Variants in RAD51B observed in about 807,000 individuals in gnomAD.
RAD51B encodes the protein DNA repair protein RAD51 homolog 2.
In RAD51B, 38 loss-of-function variants were observed where a neutral mutation model predicts 42.2. That is an observed-to-expected ratio of 0.90 (90% CI 0.70 to 1.18). The LOEUF (loss-of-function observed/expected upper bound fraction) is 1.18. RAD51B is among the 50% of genes most tolerant of loss of function. RAD51B has a pLI of 0.00. For synonymous variants in RAD51B, 154 were observed against 145.2 expected (o/e 1.06, Z -0.43); for missense variants, 373 against 400.7 (o/e 0.93, Z 0.59).
intron 10 of RAD51B, among the ~76,000 whole-genome samples, chr14:68,579,790 C>T (rs1440601079): frequency 6.6e-6 from 1 of 152,220 alleles, no homozygotes; most frequent in African/African-American, 2.4e-5. Flanking sequence ...CTGGCTGCCC[C>T]ACTGTCAGAG....
chr14:68,057,821 TTGTGTGTGTGTG>T (rs140213534), intron 7 of RAD51B, among the ~76,000 whole-genome samples: 3 of 138,594 alleles, frequency 2.2e-5, no homozygotes, highest in East Asian at 2.1e-4. Context: ...TTTTAGTTCT[TTGTGTGTGTGTG>T]TGTGTGTGTG....
At chr14:68,202,726 G>T (rs1478551983) in intron 7 of RAD51B, among the ~76,000 whole-genome samples, 2 of 151,796 alleles carry the variant, frequency 1.3e-5, no homozygotes, top group Non-Finnish European at 2.9e-5. Flanking sequence ...GGGATTACAG[G>T]TGTGTGCCTC....
At chr14:67,974,893 A>G (rs149499163) in intron 7 of RAD51B, among the ~76,000 whole-genome samples, 122 of 152,266 alleles carry the variant, frequency 8.0e-4, no homozygotes, top group Non-Finnish European at 1.3e-3. Context: ...TCATCATCCT[A>G]TATTCCTCTT....
intron 7 of RAD51B, among the ~76,000 whole-genome samples, chr14:68,041,824 T>C (rs1759410644): frequency 6.6e-6 from 1 of 152,352 alleles, no homozygotes; most frequent in South Asian, 2.1e-4. Flanking sequence ...TTTACTAAGA[T>C]GTGCCTATCT....
chr14:68,245,321 A>G (rs867125845), intron 7 of RAD51B, among the ~76,000 whole-genome samples: 6 of 152,306 alleles, frequency 3.9e-5, no homozygotes, highest in African/African-American at 1.2e-4. Flanking sequence ...ACTTGCAACT[A>G]TGGTTGATCA....
At chr14:68,473,580 A>G (rs1006534441) in intron 10 of RAD51B, among the ~76,000 whole-genome samples, 1 of 152,148 alleles carries the variant, frequency 6.6e-6, no homozygotes, top group Non-Finnish European at 1.5e-5. Context: ...GAGAGATTTT[A>G]CAATATTTGG....
At chr14:68,621,209 G>T (rs979745869) in intron 10 of RAD51B, among the ~76,000 whole-genome samples, 3 of 152,144 alleles carry the variant, frequency 2.0e-5, no homozygotes, top group African/African-American at 7.2e-5. Flanking sequence ...CATTCATGAT[G>T]GCAGCTCCTT....
At position 68,622,933 on chromosome 14, in the gene RAD51B, A is replaced by C. The variant is rs1891987256; in HGVS notation, c.1037-27848A>C. Among the ~76,000 whole-genome samples, 4 of 152,072 alleles carry C rather than the reference A, an allele frequency of 2.6e-5. No individual in the cohort carries two copies. The South Asian group carries it at 8.3e-4, about 32-fold the overall frequency. On this transcript the variant is annotated intron_variant, in intron 10 of 11. Coordinates refer to the RAD51B transcript ENST00000488612. ...TGCACCATGGAGAACTCTGTAAATT[A>C]ATTCATCAAAGTGAGGAAGGCAGGC...
chr14:67,862,742 G>T (rs1198563911), intron 4 of RAD51B, among the ~76,000 whole-genome samples: 2 of 151,942 alleles, frequency 1.3e-5, no homozygotes, highest in Non-Finnish European at 2.9e-5. Flanking sequence ...ATTTTTTAAA[G>T]ATACAATTTG....
intron 11 of RAD51B, among the ~76,000 whole-genome samples, chr14:68,673,766 C>T (rs2140157222): frequency 6.6e-6 from 1 of 151,624 alleles, no homozygotes; most frequent in South Asian, 2.1e-4. Context: ...TATATACATC[C>T]ACACACGTAC....
chr14:67,975,741 G>A (rs1442827676), intron 7 of RAD51B, among the ~76,000 whole-genome samples: 1 of 152,142 alleles, frequency 6.6e-6, no homozygotes, highest in East Asian at 1.9e-4. Context: ...GGCCCCCTTT[G>A]GCCAAAACTC....
intron 10 of RAD51B, among the ~76,000 whole-genome samples, chr14:68,640,497 G>A (rs1349515301): frequency 6.6e-6 from 1 of 152,172 alleles, no homozygotes; most frequent in African/African-American, 2.4e-5. Flanking sequence ...TCTACTGAGG[G>A]CCAGGTGCCT....
intron 8 of RAD51B, among the ~76,000 whole-genome samples, chr14:68,399,996 A>T (rs915337888): frequency 6.6e-6 from 1 of 152,148 alleles, no homozygotes; most frequent in African/African-American, 2.4e-5. Flanking sequence ...TAATAAACAA[A>T]TCATATTTCT....
intron 7 of RAD51B, among the ~76,000 whole-genome samples, chr14:67,993,975 A>G (rs1289170087): frequency 2.6e-5 from 4 of 152,188 alleles, no homozygotes; most frequent in Admixed American, 1.3e-4. Flanking sequence ...GTTAGTATAT[A>G]TAATAACAGC....
At chr14:67,835,260 T>A in intron 4 of RAD51B, 64 bp downstream of exon 4, 1 of 1,186,774 alleles carries the variant, frequency 8.4e-7, no homozygotes, top group Non-Finnish European at 1.2e-6. Flanking sequence ...AGGGAAAAAG[T>A]TTAGTTAAAA....
At chr14:68,037,917 G>A (rs1339764259) in intron 7 of RAD51B, among the ~76,000 whole-genome samples, 2 of 152,186 alleles carry the variant, frequency 1.3e-5, no homozygotes, top group African/African-American at 4.8e-5. Flanking sequence ...GCTTTGGTAC[G>A]TTATTCACAC....
intron 7 of RAD51B, among the ~76,000 whole-genome samples, chr14:68,009,800 T>A (rs2140327720): frequency 6.6e-6 from 1 of 152,070 alleles, no homozygotes; most frequent in East Asian, 1.9e-4. Flanking sequence ...AACATCAATT[T>A]ATTTTTATAT....
At chr14:68,157,612 C>T (rs1365741161) in intron 7 of RAD51B, among the ~76,000 whole-genome samples, 1 of 152,236 alleles carries the variant, frequency 6.6e-6, no homozygotes, top group Non-Finnish European at 1.5e-5. Flanking sequence ...GGTTGCTTAA[C>T]TACCAGTTCA....
At chr14:68,480,251 T>C (rs1883068249), downstream of RAD51B, among the ~76,000 whole-genome samples, 1 of 152,074 alleles carries the variant, frequency 6.6e-6, no homozygotes, top group Non-Finnish European at 1.5e-5. Flanking sequence ...TTTTGTACTT[T>C]TTTTTAGTAG....
Sources: allele counts gnomAD v4.1 joint callset (sites outside exome capture counted in the v4.1 genomes callset), GRCh38; gene constraint gnomAD v4.1.1; transcripts MANE v1.5; gene names NCBI Gene and HGNC (gene_info 2026-07-23, HGNC 2026-07-21).